Variants in ZNF316 observed in about 807,000 individuals in gnomAD.
ZNF316 encodes the protein zinc finger protein 316.
ZNF316 carries 23 observed loss-of-function variants against 75.6 expected under a neutral mutation model. The observed-to-expected ratio is 0.30, with a 90% CI of 0.22 to 0.43. The LOEUF (loss-of-function observed/expected upper bound fraction) is 0.43, where lower values mean the gene tolerates loss of function less well. ZNF316 is among the 20% of genes least tolerant of loss of function. The pLI is 1.00. For synonymous variants in ZNF316, 827 were observed against 666.2 expected, an observed-to-expected ratio of 1.24 and a Z score of -3.72; for missense variants, 1,266 against 1,409.4, an observed-to-expected ratio of 0.90 and a Z score of 1.63.
rs923410809 is a variant in ZNF316, at chr7:6,642,541, G to A, written c.132G>A (p.Val44=). 8.1e-7 allele frequency: 1 copy of A among 1,227,964 alleles called. No homozygotes were observed. Among genetic ancestry groups the A allele is most frequent in the Non-Finnish European group, 1.0e-6 (1 of 983,264 alleles). The allele number at this position is 1,227,964 out of a possible 1,614,324, so 76.1% of individuals were successfully genotyped here. ...AAAAGGGGGAAGAGGTGCAGGAGGT[G>A]GAAGAAGAGGAGGAGGAGATAGTGG... ...EEEKGEEVQE[V]EEEEEEIVVE... is the part of the protein sequence containing the mutation. The change falls in exon 5 of 9, where the codon GTG becomes GTA. Residue 44 remains valine, a synonymous_variant. Transcript: ENST00000382252. This position sits in a 1 kb window ranked among gnomAD's most constrained non-coding sequence, Gnocchi z 8.1.
intron 8 of ZNF316, among the ~76,000 whole-genome samples, chr7:6,648,003 C>T (rs1305843414): frequency 6.6e-6 from 1 of 152,210 alleles, no homozygotes; most frequent in African/African-American, 2.4e-5. Context: ...CATTGGTTGG[C>T]CCCTGGGATC....
Position 6,653,963 on chromosome 7 carries a change from C to T in ZNF316, c.2367C>T (p.His789=), listed in dbSNP as rs1161942431. The T allele has an allele frequency of 3.4e-6, 4 of 1,164,732 alleles. No homozygotes were observed. The highest frequency in any genetic ancestry group is 4.2e-5 in the South Asian group (1 of 23,812). The allele number at this position is 1,164,732 out of a possible 1,614,324, so 72.1% of individuals were successfully genotyped here. A position where few individuals can be genotyped will look rare whatever the true frequency, so the allele number is the denominator to read the frequency against. Residue 789 remains histidine (H), a synonymous_variant, in exon 9 of 9, where the codon CAC becomes CAT. Transcript: ENST00000382252. ...VCGAGFSRRA[H]LTAHGRAHTG... ...GTGCGGGGTTCAGCCGTCGCGCGCA[C>T]TTGACGGCGCACGGGCGCGCGCACA...
chr7:6,638,683 C>A (rs10255119), intron 2 of ZNF316, among the ~76,000 whole-genome samples: 1 of 152,014 alleles, frequency 6.6e-6, no homozygotes, highest in Admixed American at 6.6e-5. Context: ...GCCTGTAATC[C>A]CAGCACTTTG....
In ZNF316 at chr7:6,653,075, C is replaced by T; in HGVS notation, c.1479C>T (p.Ala493=). The change falls in exon 9 of 9, where the codon GCC becomes GCT. Residue 493 remains alanine (A), a synonymous_variant. Transcript: ENST00000382252. ...RPHCCPDCGQ[A]FRLRADFQRH... ...ACTGCTGTCCCGACTGCGGCCAGGC[C>T]TTCCGCCTGCGCGCCGACTTCCAGC... 1 of 1,205,074 alleles carries T rather than the reference C, an allele frequency of 8.3e-7. No individual in the cohort carries two copies. Among genetic ancestry groups the T allele is most frequent in the Non-Finnish European group, 1.0e-6 (1 of 971,462 alleles). The allele number at this position is 1,205,074 out of a possible 1,614,324, so 74.6% of individuals were successfully genotyped here.
At position 6,643,925 on chromosome 7, in the gene ZNF316, A is replaced by C. The variant is rs1354561069; in HGVS notation, c.569A>C (p.Asn190Thr). Residue 190 changes from asparagine to threonine, a missense_variant, in exon 7 of 9, where the codon AAC becomes ACC. This residue lies in a region of ZNF316 where 961 missense variants were observed against 990.9 expected (regional missense o/e 0.97). Transcript: ENST00000382252. ...CTCTACCAGGAAGTCATGCAGGAGAACTATGGGATTCTCGTGTCCTTGGGT... is the reference window on the plus strand; with the variant it reads ...CTCTACCAGGAAGTCATGCAGGAGACCTATGGGATTCTCGTGTCCTTGGGT... Reference protein sequence around the residue: ...RGLYQEVMQENYGILVSLGYP... With the variant: ...RGLYQEVMQETYGILVSLGYP... 1.6e-6 allele frequency: 2 copies of C among 1,233,216 alleles called. No individual in the cohort carries two copies. Among genetic ancestry groups the C allele is most frequent in the East Asian group, 3.2e-5 (1 of 31,720 alleles). The allele number at this position is 1,233,216 out of a possible 1,614,324, so 76.4% of individuals were successfully genotyped here.
chr7:6,657,549 G>A lies in ZNF316; in HGVS notation c.*2938G>A, dbSNP rs1458412310. ...CAGTCTATTCAGAAAAGTTAAATGAGGCTGGGTGCGATGGCTCATGCCTGT... is the reference window on the plus strand; with the variant it reads ...CAGTCTATTCAGAAAAGTTAAATGAAGCTGGGTGCGATGGCTCATGCCTGT... On this transcript the variant is annotated 3_prime_UTR_variant, in exon 9 of 9. Coordinates refer to ENST00000382252, the MANE Select transcript of ZNF316 (RefSeq NM_001278559.2). Among the ~76,000 whole-genome samples, 7 of 152,036 alleles carry A rather than the reference G, an allele frequency of 4.6e-5. No individual in the cohort carries two copies. The highest frequency in any genetic ancestry group is 7.2e-5 in the African/African-American group (3 of 41,390).
rs1779284968 is a variant in ZNF316, at chr7:6,640,047, T to C, written c.-167+906T>C. ...GGGCTGGAGCCAGTCAGGGGGCACG[T>C]GTGACCTTCGGGACAGAGGTGGCTT... On this transcript the variant is annotated intron_variant, in intron 3 of 8. Transcript: ENST00000382252. The surrounding 1 kb of genome is among the most constrained non-coding windows in gnomAD (Gnocchi z 5.1). Among the ~76,000 whole-genome samples, 1 of 152,166 alleles carries C rather than the reference T, an allele frequency of 6.6e-6. No individual in the cohort carries two copies. The highest frequency in any genetic ancestry group is 2.4e-5 in the African/African-American group (1 of 41,444).
chr7:6,645,339 G>A lies in ZNF316; in HGVS notation c.706+746G>A, dbSNP rs567997118. Among the ~76,000 whole-genome samples, 3 of 152,296 alleles carry A rather than the reference G, an allele frequency of 2.0e-5. No individual in the cohort carries two copies. The East Asian group carries it at 5.8e-4, about 29-fold the overall frequency. On this transcript the variant is annotated intron_variant, in intron 8 of 8. Transcript: ENST00000382252. ...GTCTGGTTTGGGGCTAGGTGATGCC[G>A]GTTAGGAGGGGCAATGGGTAGATTT...
chr7:6,658,208 A>G lies in ZNF316; in HGVS notation c.*3597A>G, dbSNP rs75536533. Among the ~76,000 whole-genome samples the G allele has an allele frequency of 0.022, 3,345 of 151,864 alleles. 108 individuals carry two copies. Among genetic ancestry groups the G allele is most frequent in the African/African-American group, 0.075 (3,120 of 41,418 alleles). On this transcript the variant is annotated 3_prime_UTR_variant, in exon 9 of 9. Transcript: ENST00000382252. ...TTCTATCTCCCTTTTTTCTTTCTCT[A>G]ATTGGCTACATATGGAATAAAGTAT...
chr7:6,647,255 C>T (rs1264502814), intron 8 of ZNF316, among the ~76,000 whole-genome samples: 2 of 152,170 alleles, frequency 1.3e-5, no homozygotes, highest in East Asian at 3.9e-4. Flanking sequence ...AGAGAGGCCC[C>T]TCCTTACAGA....
Position 6,654,849 on chromosome 7 carries a change from A to AC in ZNF316, c.*243dup, listed in dbSNP as rs1018647949. ...GCGGAGGCAGCGAGGCCAGGACGTC[A>AC]CCCCCACGGAGACTGCGATATCCCC... On this transcript the variant is annotated 3_prime_UTR_variant, in exon 9 of 9. Transcript: ENST00000382252. The AC allele has an allele frequency of 1.7e-5, 5 of 286,970 alleles. No homozygotes were observed. Among genetic ancestry groups the AC allele is most frequent in the Non-Finnish European group, 3.2e-5 (5 of 158,196 alleles). The allele number at this position is 286,970 out of a possible 1,614,324, so 17.8% of individuals were successfully genotyped here. A position where few individuals can be genotyped will look rare whatever the true frequency, so the allele number is the denominator to read the frequency against.
rs908736081 is a variant in ZNF316, at chr7:6,644,460, G to A, written c.593-20G>A. 6.5e-6 allele frequency: 8 copies of A among 1,224,046 alleles called. No homozygotes were observed. The South Asian group carries it at 1.2e-4, about 19-fold the overall frequency. 75.8% of individuals were successfully genotyped at this position (1,224,046 alleles called of 1,614,324 possible). On this transcript the variant is annotated intron_variant, in intron 7 of 8. Coordinates refer to ENST00000382252, the MANE Select transcript of ZNF316 (RefSeq NM_001278559.2). ...GGGCCCACGGGAGCCGCCTGCAGCC[G>A]CCGTCTGTTCTCCTGGCAGGATACC... is the stretch of plus-strand genomic sequence containing the variant.
rs1465796040 is a variant in ZNF316 at position 6,656,775 on chromosome 7, G to A, written c.*2164G>A. ...TCGTGGTGGTCCAAACACATCCCCA[G>A]CCCTTTCTTCAGAGGCCCCAGCACC... is the stretch of plus-strand genomic sequence containing the variant. On this transcript the variant is annotated 3_prime_UTR_variant, in exon 9 of 9. Transcript: ENST00000382252. Among the ~76,000 whole-genome samples the A allele has an allele frequency of 6.6e-6, 1 of 152,142 alleles. No individual in the cohort carries two copies. Among genetic ancestry groups the A allele is most frequent in the East Asian group, 1.9e-4 (1 of 5,166 alleles).
intron 8 of ZNF316, among the ~76,000 whole-genome samples, chr7:6,650,000 G>A (rs1779478919): frequency 6.6e-6 from 1 of 152,236 alleles, no homozygotes; most frequent in African/African-American, 2.4e-5. Flanking sequence ...CCAGTTCTTT[G>A]AGGCTTATTA....
rs1380549058 is a variant in ZNF316 at position 6,640,379 on chromosome 7, ATGG to A, written c.-167+1242_-167+1244del. On this transcript the variant is annotated intron_variant, in intron 3 of 8. Coordinates refer to ENST00000382252, the MANE Select transcript of ZNF316 (RefSeq NM_001278559.2). The surrounding 1 kb of genome is among the most constrained non-coding windows in gnomAD (Gnocchi z 5.1). ...AGGGAGCCTCAGGAAGCCTTTAATC[ATGG>A]TGGACGGTGAGGGGGAGTAGGTATG... is the stretch of plus-strand genomic sequence containing the variant. 6.6e-6 allele frequency among the ~76,000 whole-genome samples: 1 copy of A among 152,130 alleles called. No homozygotes were observed. Among genetic ancestry groups the A allele is most frequent in the African/African-American group, 2.4e-5 (1 of 41,422 alleles).
chr7:6,639,860 C>T lies in ZNF316; in HGVS notation c.-167+719C>T, dbSNP rs545450644. ...CCTCCTGGAGGTGGCTAGCATAACACGCAGCACGTGGATTTCGACACTTTG... is the reference window on the plus strand; with the variant it reads ...CCTCCTGGAGGTGGCTAGCATAACATGCAGCACGTGGATTTCGACACTTTG... On this transcript the variant is annotated intron_variant, in intron 3 of 8. Coordinates refer to ENST00000382252, the MANE Select transcript of ZNF316 (RefSeq NM_001278559.2). The surrounding 1 kb of genome is among the most constrained non-coding windows in gnomAD (Gnocchi z 4.2). Among the ~76,000 whole-genome samples, 31 of 152,304 alleles carry T rather than the reference C, an allele frequency of 2.0e-4. No individual in the cohort carries two copies. The highest frequency in any genetic ancestry group is 1.3e-4 in the Non-Finnish European group (9 of 68,020).
chr7:6,638,130 C>G (rs369824495), intron 2 of ZNF316, 121 bp downstream of exon 2: 1 of 152,938 alleles, frequency 6.5e-6, no homozygotes. Context: ...AGTGCAGGTA[C>G]CAGGAGGATC....
rs1449854063 is a variant in ZNF316, at chr7:6,653,387, C to T, written c.1791C>T (p.Gly597=). The T allele has an allele frequency of 3.3e-6, 4 of 1,226,856 alleles. No homozygotes were observed. Among genetic ancestry groups the T allele is most frequent in the Admixed American group, 4.3e-5 (1 of 23,468 alleles). The allele number at this position is 1,226,856 out of a possible 1,614,324, so 76.0% of individuals were successfully genotyped here. The change falls in exon 9 of 9, where the codon GGC becomes GGT. Residue 597 remains glycine (G), a synonymous_variant. Transcript: ENST00000382252. ...AAGGCCCCTCCTCCCACCCGCTGGG[C>T]TTCCACTTCCCCGTGCACCCCAAGT... ...EGEGPSSHPL[G]FHFPVHPKSW...
intron 6 of ZNF316, 148 bp from the exon 7 acceptor site, chr7:6,643,674 G>A: frequency 1.5e-6 from 1 of 677,850 alleles, no homozygotes; most frequent in Non-Finnish European, 2.1e-6. Flanking sequence ...TTGCTTTCCA[G>A]GGCTGTGGCA....
Sources: allele counts gnomAD v4.1 joint callset (sites outside exome capture counted in the v4.1 genomes callset), GRCh38; gene constraint gnomAD v4.1.1; regional missense constraint gnomAD v4.1.1; non-coding constraint Gnocchi (gnomAD v3.1); transcripts MANE v1.5; gene names NCBI Gene and HGNC (gene_info 2026-07-23, HGNC 2026-07-21).